The following SYNDIG1 variants were observed in gnomAD, a reference collection of about 807,000 sequenced individuals.
The protein encoded by SYNDIG1 is synapse differentiation inducing 1.
Under a neutral mutation model 19.4 loss-of-function variants are expected in SYNDIG1, and 9 were observed. The ratio of observed to expected loss-of-function variants is 0.46; its 90% CI spans 0.28 to 0.81. SYNDIG1 has a LOEUF of 0.81. SYNDIG1 is among the 30% of genes least tolerant of loss of function. The probability of loss-of-function intolerance (pLI) is 0.12; values close to 1 mark genes in which losing one functional copy is unlikely to be tolerated. For missense variants in SYNDIG1, 311 were observed against 343.3 expected (o/e 0.91, Z 0.74); for synonymous variants, 141 against 145.9 (o/e 0.97, Z 0.24).
At chr20:24,656,419 GGCCTGCAT>G in intron 3 of SYNDIG1, among the ~76,000 whole-genome samples, 1 of 152,228 alleles carries the variant, frequency 6.6e-6, no homozygotes, top group East Asian at 1.9e-4. Context: ...GTTCCTAAAC[GGCCTGCAT>G]GCTGGACCCC....
rs1215227827 is a variant in SYNDIG1, at chr20:24,623,652, T to C, written c.618+38659T>C. On this transcript the variant is annotated intron_variant, in intron 3 of 3. Transcript: ENST00000376862. ...GAGAAGGGCATTGACAAATACTCTG[T>C]TGTGAGGTACCCGCACGACACATGG... 2.0e-5 allele frequency among the ~76,000 whole-genome samples: 3 copies of C among 152,222 alleles called. 1 individual carries two copies. In the East Asian group the frequency reaches 5.8e-4, roughly 29 times the overall value.
chr20:24,472,207 C>G (rs775368033), intron 1 of SYNDIG1, among the ~76,000 whole-genome samples: 4 of 152,078 alleles, frequency 2.6e-5, no homozygotes, highest in Non-Finnish European at 5.9e-5. Context: ...TTGAGGCGTA[C>G]AGGGGTGAGA....
chr20:24,650,525 T>C (rs2059459844), intron 3 of SYNDIG1, among the ~76,000 whole-genome samples: 1 of 152,230 alleles, frequency 6.6e-6, no homozygotes, highest in African/African-American at 2.4e-5. Context: ...ATTCTTTTTT[T>C]TTCACTTGAA....
Position 24,505,387 on chromosome 20 carries a change from G to A in SYNDIG1, c.-79+35634G>A, listed in dbSNP as rs117796842. ...GCGGTCATCCTCTGGACTCACTGGC[G>A]TTTAGGACCCCCTCAGCGGGGAAGA... On this transcript the variant is annotated intron_variant, in intron 1 of 3. Transcript: ENST00000376862. 9.2e-3 allele frequency among the ~76,000 whole-genome samples: 1,394 copies of A among 152,222 alleles called. 21 individuals are homozygous for A. The highest frequency in any genetic ancestry group is 0.026 in the East Asian group (133 of 5,160).
intron 3 of SYNDIG1, among the ~76,000 whole-genome samples, chr20:24,612,956 T>C (rs1026453002): frequency 2.0e-5 from 3 of 152,230 alleles, no homozygotes; most frequent in African/African-American, 4.8e-5. Flanking sequence ...ATGAGTTCCA[T>C]CACATGTGTG....
chr20:24,657,672 G>A (rs1321629054), intron 3 of SYNDIG1, among the ~76,000 whole-genome samples: 1 of 152,176 alleles, frequency 6.6e-6, no homozygotes, highest in Non-Finnish European at 1.5e-5. Flanking sequence ...TGGGGGGTCT[G>A]CGTGTGAGAC....
chr20:24,508,195 GAAAATT>G (rs925753414), intron 1 of SYNDIG1, among the ~76,000 whole-genome samples: 1 of 143,786 alleles, frequency 7.0e-6, no homozygotes. Context: ...GAGGTAAGTG[GAAAATT>G]AAAATTAAGG....
chr20:24,657,655 C>T (rs1351324868), intron 3 of SYNDIG1, among the ~76,000 whole-genome samples: 5 of 152,080 alleles, frequency 3.3e-5, no homozygotes, highest in Non-Finnish European at 7.4e-5. Context: ...AGGCAACAAA[C>T]GTGTGTTGGG....
intron 1 of SYNDIG1, among the ~76,000 whole-genome samples, chr20:24,520,086 C>A (rs1278826095): frequency 6.6e-6 from 1 of 152,126 alleles, no homozygotes; most frequent in Non-Finnish European, 1.5e-5. Flanking sequence ...ATGCACCTCG[C>A]AGTCAGTGGC....
At chr20:24,607,968 C>G (rs530354874) in intron 3 of SYNDIG1, among the ~76,000 whole-genome samples, 4 of 152,136 alleles carry the variant, frequency 2.6e-5, no homozygotes, top group Non-Finnish European at 5.9e-5. Flanking sequence ...AAACACTTTT[C>G]CCGGATGAGA....
At chr20:24,605,574 C>G (rs1160482844) in intron 3 of SYNDIG1, among the ~76,000 whole-genome samples, 1 of 152,118 alleles carries the variant, frequency 6.6e-6, no homozygotes, top group Non-Finnish European at 1.5e-5. Flanking sequence ...AATCAGATTT[C>G]TTATGTATTT....
intron 3 of SYNDIG1, among the ~76,000 whole-genome samples, chr20:24,644,599 G>C (rs140759360): frequency 4.1e-4 from 63 of 152,316 alleles, no homozygotes; most frequent in African/African-American, 1.3e-3. Context: ...CTTCCTCCCT[G>C]AGACCTCCAT....
chr20:24,515,161 C>T (rs2056834551), intron 1 of SYNDIG1, among the ~76,000 whole-genome samples: 1 of 152,092 alleles, frequency 6.6e-6, no homozygotes, highest in Admixed American at 6.5e-5. Context: ...TAAATGCCCA[C>T]AAGAGAAAGC....
intron 1 of SYNDIG1, among the ~76,000 whole-genome samples, chr20:24,484,115 A>G (rs2055886605): frequency 6.6e-6 from 1 of 152,024 alleles, no homozygotes; most frequent in South Asian, 2.1e-4. Context: ...ATGGGGTCAG[A>G]CGAATTCAAG....
chr20:24,474,363 A>G (rs1464797750), intron 1 of SYNDIG1, among the ~76,000 whole-genome samples: 3 of 152,242 alleles, frequency 2.0e-5, no homozygotes, highest in African/African-American at 7.2e-5. Context: ...AGAAACTCTA[A>G]AGAACAACAA....
chr20:24,646,456 C>T (rs780095053), intron 3 of SYNDIG1, among the ~76,000 whole-genome samples: 1 of 152,154 alleles, frequency 6.6e-6, no homozygotes, highest in African/African-American at 2.4e-5. Context: ...TGAGGGAGCT[C>T]TGTCTCTATT....
At chr20:24,650,107 A>G (rs561321585) in intron 3 of SYNDIG1, among the ~76,000 whole-genome samples, 18 of 152,306 alleles carry the variant, frequency 1.2e-4, no homozygotes, top group African/African-American at 4.3e-4. Context: ...TGCAGGCAGC[A>G]GGGCACTGGG....
chr20:24,606,830 G>T (rs1187428991), intron 3 of SYNDIG1, among the ~76,000 whole-genome samples: 2 of 152,214 alleles, frequency 1.3e-5, no homozygotes, highest in Admixed American at 6.5e-5. Context: ...TCGTCAGAAT[G>T]ATTACCCCTG....
At chr20:24,662,759 A>G (rs1470649629) in intron 3 of SYNDIG1, among the ~76,000 whole-genome samples, 1 of 152,242 alleles carries the variant, frequency 6.6e-6, no homozygotes, top group Non-Finnish European at 1.5e-5. Flanking sequence ...AAAGGCCAAT[A>G]AAGTCACAAA....
Sources: allele counts gnomAD v4.1 joint callset (sites outside exome capture counted in the v4.1 genomes callset), GRCh38; gene constraint gnomAD v4.1.1; transcripts MANE v1.5; gene names NCBI Gene and HGNC (gene_info 2026-07-23, HGNC 2026-07-21).